HOOK3: variants seen among roughly 807,000 people sequenced by gnomAD.
HOOK3 encodes hook microtubule tethering protein 3.
In HOOK3, 24 loss-of-function variants were observed where a neutral mutation model predicts 116.3. That is an observed-to-expected ratio of 0.21 (90% CI 0.15 to 0.29). HOOK3 has a LOEUF of 0.29. Ranked by LOEUF, HOOK3 falls within the 10% of genes least tolerant of loss-of-function variation. The probability of loss-of-function intolerance (pLI) is 1.00; values close to 1 mark genes in which losing one functional copy is unlikely to be tolerated. For synonymous variants in HOOK3, 275 were observed against 283.0 expected (o/e 0.97, Z 0.28); for missense variants, 632 against 830.2 (o/e 0.76, Z 2.93).
In HOOK3 at chr8:43,030,109, T is replaced by C. The variant is rs531467488; in HGVS notation, c.*11611T>C. ...GATTTAGCAGTGTTGTACATAATGA[T>C]GTCCAAGCATTTTTCCACCTGTTTA... is the stretch of plus-strand genomic sequence containing the variant. On this transcript the variant is annotated 3_prime_UTR_variant, in exon 22 of 22. Coordinates refer to ENST00000307602, the MANE Select transcript of HOOK3 (RefSeq NM_032410.4). The C allele has an allele frequency of 9.6e-6, 2 of 208,706 alleles. No homozygotes were observed. The highest frequency in any genetic ancestry group is 4.5e-5 in the African/African-American group (2 of 44,122). The allele number at this position is 208,706 out of a possible 1,614,324, so 12.9% of individuals were successfully genotyped here.
intron 13 of HOOK3, among the ~76,000 whole-genome samples, chr8:42,981,883 C>CAAAAA (rs11348838): frequency 9.2e-6 from 1 of 108,130 alleles, no homozygotes; most frequent in African/African-American, 3.5e-5. Flanking sequence ...GACTCTGTCT[C>CAAAAA]AAAAAAAAAA....
chr8:42,960,066 G>T (rs1384569302), intron 8 of HOOK3, among the ~76,000 whole-genome samples: 1 of 152,152 alleles, frequency 6.6e-6, no homozygotes, highest in Non-Finnish European at 1.5e-5. Flanking sequence ...GCCATTAATT[G>T]CATTTCAGAT....
At chr8:42,931,962 C>G (rs1253376737) in intron 4 of HOOK3, among the ~76,000 whole-genome samples, 2 of 152,100 alleles carry the variant, frequency 1.3e-5, no homozygotes, top group African/African-American at 4.8e-5. Context: ...ACCATATTGG[C>G]CAGGCTGGTC....
At chr8:42,971,961 G>T (rs1264290397) in intron 11 of HOOK3, among the ~76,000 whole-genome samples, 1 of 152,122 alleles carries the variant, frequency 6.6e-6, no homozygotes, top group East Asian at 1.9e-4. Context: ...AGGCTTACAG[G>T]TGTGAGCCGC....
intron 18 of HOOK3, 22 bp downstream of exon 18, chr8:43,007,951 A>G (rs760278868): frequency 1.4e-6 from 2 of 1,394,148 alleles, no homozygotes; most frequent in Non-Finnish European, 1.0e-6. Flanking sequence ...TAATTAGGAT[A>G]GTTTTTAAGT....
chr8:42,959,080 T>G (rs1808489720), intron 7 of HOOK3, 151 bp from the exon 8 acceptor site: 1 of 577,224 alleles, frequency 1.7e-6, no homozygotes, highest in East Asian at 2.9e-5. Flanking sequence ...AGTGCTGTGT[T>G]TGTACTCTTC....
intron 13 of HOOK3, among the ~76,000 whole-genome samples, chr8:42,976,220 A>G (rs536163826): frequency 1.1e-4 from 16 of 152,208 alleles, no homozygotes; most frequent in Admixed American, 1.3e-4. Flanking sequence ...GAAAAGGGCA[A>G]ATTTAGGCCA....
chr8:42,918,432 A>T (rs1307355693), intron 2 of HOOK3, among the ~76,000 whole-genome samples: 6 of 152,170 alleles, frequency 3.9e-5, no homozygotes, highest in South Asian at 2.1e-4. Flanking sequence ...TTTTTTTTAA[A>T]TTTTTTTAGT....
At chr8:42,930,514 C>G (rs570144430) in intron 4 of HOOK3, among the ~76,000 whole-genome samples, 1 of 152,062 alleles carries the variant, frequency 6.6e-6, no homozygotes, top group Admixed American at 6.6e-5. Context: ...TTGGCAAACC[C>G]CCCACCCCTA....
intron 9 of HOOK3, among the ~76,000 whole-genome samples, chr8:42,965,603 T>G (rs1808619260): frequency 6.6e-6 from 1 of 152,198 alleles, no homozygotes; most frequent in African/African-American, 2.4e-5. Flanking sequence ...AAAAAGTGCG[T>G]CATCACTTGT....
chr8:42,974,231 T>C (rs772562539), intron 13 of HOOK3, 37 bp downstream of exon 13: 4 of 1,101,480 alleles, frequency 3.6e-6, no homozygotes, highest in Non-Finnish European at 2.6e-6. Flanking sequence ...AGATGATTTC[T>C]TTTTTTTTTG....
intron 4 of HOOK3, among the ~76,000 whole-genome samples, chr8:42,940,284 A>C (rs1586601192): frequency 6.6e-6 from 1 of 152,254 alleles, no homozygotes; most frequent in Admixed American, 6.5e-5. Flanking sequence ...GCTGGAGACC[A>C]GCCCGGCCAA....
rs568010228 is a variant in HOOK3, at chr8:42,995,548, C to G, written c.1533-2002C>G. Among the ~76,000 whole-genome samples, 17 of 152,252 alleles carry G rather than the reference C, an allele frequency of 1.1e-4. No homozygotes were observed. The South Asian group carries it at 3.5e-3, about 32-fold the overall frequency. The stretch of plus-strand genomic sequence containing the variant: ...TCCGCCATGGGCCTTCTTTGTTAGT[C>G]TTTTACACTGTTTTTCACATTCTTT... On this transcript the variant is annotated intron_variant, in intron 15 of 21. Transcript: ENST00000307602.
At chr8:42,920,009 T>G (rs961697045) in intron 2 of HOOK3, among the ~76,000 whole-genome samples, 4 of 152,056 alleles carry the variant, frequency 2.6e-5, no homozygotes, top group Non-Finnish European at 5.9e-5. Context: ...TCTGGAATTA[T>G]TCTAAGAATT....
chr8:42,907,644 C>G (rs1029008763), intron 2 of HOOK3, among the ~76,000 whole-genome samples: 21 of 151,792 alleles, frequency 1.4e-4, no homozygotes, highest in Non-Finnish European at 2.8e-4. Context: ...AGGTGTAGTT[C>G]AATACATGAT....
At chr8:42,913,379 CAG>C (rs1484189919) in intron 2 of HOOK3, among the ~76,000 whole-genome samples, 1 of 152,124 alleles carries the variant, frequency 6.6e-6, no homozygotes, top group East Asian at 1.9e-4. Context: ...TAAATGGACT[CAG>C]TATGTTTTGA....
At chr8:42,918,586 G>C (rs545692325) in intron 2 of HOOK3, among the ~76,000 whole-genome samples, 2 of 152,124 alleles carry the variant, frequency 1.3e-5, no homozygotes, top group Admixed American at 1.3e-4. Flanking sequence ...CTTCCGCAGT[G>C]TTTGTGTCCC....
Position 42,906,556 on chromosome 8 carries a change from A to G in HOOK3, c.143+298A>G, listed in dbSNP as rs1375743240. ...AGATTTTGCTGTTACAGGGGTATCT[A>G]AGATGCTTACTCCATTTTTCTTTAG... On this transcript the variant is annotated intron_variant, in intron 2 of 21. Transcript: ENST00000307602. 2.0e-5 allele frequency among the ~76,000 whole-genome samples: 3 copies of G among 152,200 alleles called. No homozygotes were observed. In the East Asian group the frequency reaches 5.8e-4, roughly 29 times the overall value.
Position 43,013,355 on chromosome 8 carries a change from G to C in HOOK3, c.1971G>C (p.Gln657His). ...LEKEYEKTKS[Q>H]REMEEKYIVS... ...AAGAATATGAGAAAACAAAGAGTCA[G>C]AGAGAGATGGAAGAGAAATATATTG... is the stretch of plus-strand genomic sequence containing the variant. The change falls in exon 21 of 22, where the codon CAG becomes CAC. Residue 657 changes from glutamine to histidine, a missense_variant. Physicochemically the swap from Gln to His is conservative, Grantham distance 24 (BLOSUM62 0). Transcript: ENST00000307602. The C allele has an allele frequency of 6.3e-7, 1 of 1,582,286 alleles. No individual in the cohort carries two copies. Among genetic ancestry groups the C allele is most frequent in the Non-Finnish European group, 8.6e-7 (1 of 1,167,832 alleles).
Sources: allele counts gnomAD v4.1 joint callset (sites outside exome capture counted in the v4.1 genomes callset), GRCh38; gene constraint gnomAD v4.1.1; transcripts MANE v1.5; gene names NCBI Gene and HGNC (gene_info 2026-07-23, HGNC 2026-07-21).